TTC27: variants seen among roughly 807,000 people sequenced by gnomAD.
TTC27 encodes the protein tetratricopeptide repeat domain 27.
TTC27 carries 79 observed loss-of-function variants against 115.9 expected under a neutral mutation model. That is an observed-to-expected ratio of 0.68 (90% CI 0.57 to 0.82). The LOEUF (loss-of-function observed/expected upper bound fraction) is 0.82. Among genes scored for constraint, TTC27 ranks in the 40% least tolerant of loss-of-function variants. The probability of loss-of-function intolerance (pLI) is 0.00; values close to 1 mark genes in which losing one functional copy is unlikely to be tolerated. For missense variants in TTC27, 1,054 were observed against 993.1 expected (o/e 1.06, Z -0.82); for synonymous variants, 401 against 356.0 (o/e 1.13, Z -1.42).
In TTC27 at chr2:32,708,397, C is replaced by T. The variant is rs963117294; in HGVS notation, c.1233+5477C>T. Among the ~76,000 whole-genome samples the T allele has an allele frequency of 2.8e-5, 4 of 144,446 alleles. No homozygotes were observed. The Admixed American group carries it at 2.8e-4, about 10-fold the overall frequency. The allele number at this position is 144,446 out of a possible 152,430, so 94.8% of individuals were successfully genotyped here. ...CACAATCTTGGCTCACTACATTCTC[C>T]GCCTCCTGGGTTCAAGCGATTCTCT... is the stretch of plus-strand genomic sequence containing the variant. On this transcript the variant is annotated intron_variant, in intron 10 of 19. Transcript: ENST00000317907.
chr2:32,737,373 AG>A (rs1476151570), intron 12 of TTC27, among the ~76,000 whole-genome samples: 3 of 152,202 alleles, frequency 2.0e-5, no homozygotes, highest in African/African-American at 7.2e-5. Context: ...AAGAAGAATA[AG>A]GGGCTCTGCA....
intron 12 of TTC27, among the ~76,000 whole-genome samples, chr2:32,757,203 G>T (rs753957922): frequency 3.3e-5 from 5 of 152,146 alleles, no homozygotes; most frequent in African/African-American, 7.2e-5. Context: ...AAATTCCACA[G>T]TGATCCCAGG....
At chr2:32,700,370 C>T (rs570877021) in intron 9 of TTC27, among the ~76,000 whole-genome samples, 1 of 152,078 alleles carries the variant, frequency 6.6e-6, no homozygotes, top group East Asian at 1.9e-4. Flanking sequence ...ACTTTTCCCA[C>T]TGTTTTACAG....
chr2:32,664,902 G>C (rs1665711466), intron 6 of TTC27, among the ~76,000 whole-genome samples: 1 of 150,006 alleles, frequency 6.7e-6, no homozygotes, highest in African/African-American at 2.5e-5. Context: ...GCGTGATCTT[G>C]GCTCACTGCA....
At chr2:32,631,190 C>T (rs1348837910) in intron 2 of TTC27, among the ~76,000 whole-genome samples, 1 of 152,160 alleles carries the variant, frequency 6.6e-6, no homozygotes, top group Admixed American at 6.5e-5. Flanking sequence ...GTAATCCCAG[C>T]TGCTAGGGAG....
chr2:32,633,337 AT>A (rs1664284757), intron 2 of TTC27, among the ~76,000 whole-genome samples: 1 of 152,222 alleles, frequency 6.6e-6, no homozygotes, highest in Non-Finnish European at 1.5e-5. Flanking sequence ...TGAATTATAA[AT>A]TTTATTAATT....
At chr2:32,785,442 G>A (rs1670315114) in intron 15 of TTC27, among the ~76,000 whole-genome samples, 1 of 152,102 alleles carries the variant, frequency 6.6e-6, no homozygotes, top group African/African-American at 2.4e-5. Flanking sequence ...TCTATCAGAT[G>A]TATGTTTGAG....
chr2:32,678,227 C>A (rs1666285045), intron 8 of TTC27, among the ~76,000 whole-genome samples: 1 of 146,242 alleles, frequency 6.8e-6, no homozygotes, highest in African/African-American at 2.5e-5. Context: ...TGCACTGCAG[C>A]CTGGGTGACA....
rs1559215859 is a variant in TTC27, at chr2:32,708,301, C to CTTGTTTTTTTTTT, written c.1233+5384_1233+5396dup. On this transcript the variant is annotated intron_variant, in intron 10 of 19. Coordinates refer to ENST00000317907, the MANE Select transcript of TTC27 (RefSeq NM_017735.5). ...CTTAATAGCGTTTTCTTTTCTCTAC[C>CTTGTTTTTTTTTT]TTGTTTTTTTTTTTTTTTTTTTTTT... Among the ~76,000 whole-genome samples the CTTGTTTTTTTTTT allele has an allele frequency of 1.3e-3, 106 of 80,212 alleles. 1 individual carries two copies. Among genetic ancestry groups the CTTGTTTTTTTTTT allele is most frequent in the Middle Eastern group, 0.011 (1 of 94 alleles). The allele number at this position is 80,212 out of a possible 152,430, so 52.6% of individuals were successfully genotyped here.
chr2:32,762,276 AGTGTGTGTGTGTGTGTGTGTGTGTGT>A (rs10523103), intron 13 of TTC27, among the ~76,000 whole-genome samples: 9 of 136,236 alleles, frequency 6.6e-5, no homozygotes, highest in African/African-American at 1.1e-4. Context: ...CACAGAGAGA[AGTGTGTGTGTGTGTGTGTGTGTGTGT>A]GTGTGTGTGT....
At chr2:32,712,221 A>G (rs76346012) in intron 10 of TTC27, among the ~76,000 whole-genome samples, 21,629 of 152,212 alleles carry the variant, frequency 0.14, 1,670 homozygotes, top group African/African-American at 0.2. Context: ...TTTAATCACA[A>G]CTAAAGGTAA....
At chr2:32,691,162 T>A (rs1666795420) in intron 9 of TTC27, among the ~76,000 whole-genome samples, 1 of 152,164 alleles carries the variant, frequency 6.6e-6, no homozygotes, top group African/African-American at 2.4e-5. Flanking sequence ...ACACTCTAGA[T>A]CCTCTTTGAT....
chr2:32,680,804 C>G (rs1262820968), intron 9 of TTC27, among the ~76,000 whole-genome samples: 1 of 152,076 alleles, frequency 6.6e-6, no homozygotes, highest in Non-Finnish European at 1.5e-5. Context: ...ATATATATTA[C>G]CACAGTTATC....
In TTC27 at chr2:32,752,548, T is replaced by A. The variant is rs535497293; in HGVS notation, c.1453-5744T>A. Among the ~76,000 whole-genome samples, 27 of 152,350 alleles carry A rather than the reference T, an allele frequency of 1.8e-4. No homozygotes were observed. The East Asian group carries it at 5.0e-3, about 28-fold the overall frequency. On this transcript the variant is annotated intron_variant, in intron 12 of 19. Transcript: ENST00000317907. ...TAATTCAGCCCGATTTAAATTATGA[T>A]CCTTTTTCTCTCTGGTCTAGCATGG...
At chr2:32,733,787 G>A (rs764664014) in intron 10 of TTC27, 41 bp from the exon 11 acceptor site, 1 of 1,289,974 alleles carries the variant, frequency 7.8e-7, no homozygotes, top group South Asian at 1.3e-5. Context: ...TATATTATAA[G>A]TTATACATAT....
chr2:32,629,265 G>A (rs1240973908), intron 1 of TTC27, among the ~76,000 whole-genome samples: 1 of 151,764 alleles, frequency 6.6e-6, no homozygotes, highest in African/African-American at 2.4e-5. Context: ...GGGACTACAG[G>A]CATGCACCAC....
intron 5 of TTC27, among the ~76,000 whole-genome samples, chr2:32,651,177 A>T (rs915768721): frequency 6.6e-6 from 1 of 152,196 alleles, no homozygotes; most frequent in African/African-American, 2.4e-5. Flanking sequence ...TATGGAATGA[A>T]TATGTATGTG....
chr2:32,789,921 CAAAAAAAAA>C (rs34859954), intron 16 of TTC27, among the ~76,000 whole-genome samples: 8 of 25,960 alleles, frequency 3.1e-4, no homozygotes, highest in African/African-American at 8.9e-4. Context: ...ACCCTGTCTC[CAAAAAAAAA>C]AAAAAAAAAA....
chr2:32,735,825 C>A (rs1053356985), intron 11 of TTC27, among the ~76,000 whole-genome samples: 1 of 151,988 alleles, frequency 6.6e-6, no homozygotes, highest in East Asian at 2.0e-4. Context: ...TAGCCAGATT[C>A]TCCTGTATTC....
Sources: gnomAD v4.1 joint callset for allele counts (sites outside exome capture counted in the v4.1 genomes callset) on GRCh38, gnomAD v4.1.1 for gene constraint, MANE v1.5 for transcripts, NCBI Gene and HGNC (gene_info 2026-07-23, HGNC 2026-07-21) for gene names.